The following FER variants were observed in gnomAD, a reference collection of about 807,000 sequenced individuals.
The protein encoded by FER is tyrosine-protein kinase Fer.
FER carries 63 observed loss-of-function variants against 111.0 expected under a neutral mutation model. The observed-to-expected ratio is 0.57, with a 90% CI of 0.46 to 0.70. FER has a LOEUF of 0.70. FER is among the 30% of genes least tolerant of loss of function. The probability of loss-of-function intolerance (pLI) is 0.00; values close to 1 mark genes in which losing one functional copy is unlikely to be tolerated. For synonymous variants in FER, 327 were observed against 313.9 expected, an observed-to-expected ratio of 1.04 and a Z score of -0.44; for missense variants, 914 against 954.0, an observed-to-expected ratio of 0.96 and a Z score of 0.55.
intron 3 of FER, among the ~76,000 whole-genome samples, chr5:108,802,294 A>G (rs1169907800): frequency 2.0e-5 from 3 of 152,164 alleles, no homozygotes; most frequent in East Asian, 1.9e-4. Context: ...GGGAAAATCT[A>G]TATCTTAACA....
chr5:108,980,225 G>T (rs189575203), intron 13 of FER, among the ~76,000 whole-genome samples: 84 of 152,138 alleles, frequency 5.5e-4, no homozygotes, highest in African/African-American at 1.9e-3. Flanking sequence ...ATCTTACTGT[G>T]AATGACATTC....
intron 8 of FER, among the ~76,000 whole-genome samples, chr5:108,875,288 C>A (rs1409851200): frequency 6.6e-6 from 1 of 152,104 alleles, no homozygotes; most frequent in African/African-American, 2.4e-5. Context: ...TCCCATCACA[C>A]ATGCATTTAT....
chr5:108,868,043 T>C, intron 6 of FER, 93 bp downstream of exon 6: 1 of 1,193,252 alleles, frequency 8.4e-7, no homozygotes, highest in South Asian at 1.5e-5. Context: ...ATAAGTTTTA[T>C]TATTAACCCA....
At chr5:108,934,148 A>T (rs1434921777) in intron 10 of FER, among the ~76,000 whole-genome samples, 1 of 152,104 alleles carries the variant, frequency 6.6e-6, no homozygotes, top group African/African-American at 2.4e-5. Flanking sequence ...TTGGTTTTGA[A>T]TGAATGACTG....
chr5:108,893,758 T>C (rs1748578720), intron 9 of FER, among the ~76,000 whole-genome samples: 2 of 152,014 alleles, frequency 1.3e-5, no homozygotes, highest in Non-Finnish European at 2.9e-5. Flanking sequence ...AAAAAAGGCC[T>C]TATGGTCATA....
At chr5:108,967,773 A>C (rs1194576831) in intron 13 of FER, among the ~76,000 whole-genome samples, 1 of 151,516 alleles carries the variant, frequency 6.6e-6, no homozygotes, top group Non-Finnish European at 1.5e-5. Flanking sequence ...AAAAAAAAAA[A>C]AAAAAAAAAA....
chr5:109,148,618 G>A (rs1452842459), intron 17 of FER, among the ~76,000 whole-genome samples: 1 of 152,172 alleles, frequency 6.6e-6, no homozygotes, highest in East Asian at 1.9e-4. Flanking sequence ...GTATAAGAAA[G>A]TATGTGCTAC....
At chr5:109,159,733 T>A (rs1755797543) in intron 17 of FER, among the ~76,000 whole-genome samples, 1 of 152,146 alleles carries the variant, frequency 6.6e-6, no homozygotes, top group Non-Finnish European at 1.5e-5. Context: ...GGAAAAATAC[T>A]TCAGGAACAT....
chr5:109,104,155 A>G (rs928315856), intron 17 of FER, among the ~76,000 whole-genome samples: 21 of 152,216 alleles, frequency 1.4e-4, no homozygotes, highest in African/African-American at 4.8e-4. Flanking sequence ...TTGCTCTAAC[A>G]CAGTGATTTT....
chr5:109,036,641 C>T (rs182127309), intron 13 of FER, among the ~76,000 whole-genome samples: 50 of 151,846 alleles, frequency 3.3e-4, no homozygotes, highest in African/African-American at 1.0e-3. Flanking sequence ...TTTTTTCTTC[C>T]CTTCCTCTCT....
chr5:109,031,216 T>C (rs2149861422), intron 13 of FER, among the ~76,000 whole-genome samples: 1 of 152,272 alleles, frequency 6.6e-6, no homozygotes, highest in East Asian at 1.9e-4. Context: ...CTGCCTTCTG[T>C]TGTGGCGGTA....
At chr5:109,042,169 A>T (rs1278161071) in intron 14 of FER, among the ~76,000 whole-genome samples, 1 of 152,270 alleles carries the variant, frequency 6.6e-6, no homozygotes, top group East Asian at 1.9e-4. Flanking sequence ...AGAAATGAAG[A>T]TTAACCGAGG....
At chr5:108,759,783 C>T (rs948463311) in intron 1 of FER, among the ~76,000 whole-genome samples, 6 of 152,184 alleles carry the variant, frequency 3.9e-5, no homozygotes, top group African/African-American at 1.2e-4. Context: ...AGGACTCCAC[C>T]ATCATGGTTT....
intron 10 of FER, among the ~76,000 whole-genome samples, chr5:108,929,389 C>A (rs1363783708): frequency 1.3e-5 from 2 of 152,124 alleles, no homozygotes; most frequent in Non-Finnish European, 2.9e-5. Context: ...GAAGCTACAT[C>A]TTGTAAGTCA....
chr5:108,967,769 A>AAATAC, intron 13 of FER, among the ~76,000 whole-genome samples: 1 of 150,924 alleles, frequency 6.6e-6, no homozygotes, highest in Non-Finnish European at 1.5e-5. Context: ...CAAAAAAAAA[A>AAATAC]AAAAAAAAAA....
At chr5:109,107,854 A>G (rs1749130182) in intron 17 of FER, among the ~76,000 whole-genome samples, 1 of 152,138 alleles carries the variant, frequency 6.6e-6, no homozygotes, top group Non-Finnish European at 1.5e-5. Context: ...CTCAAATGAC[A>G]TTTAGGCTAA....
In FER at chr5:109,186,238, A is replaced by ATCCT; in HGVS notation, c.2245_2248dup (p.Leu750ProfsTer52). 1 of 1,614,118 alleles carries ATCCT rather than the reference A, an allele frequency of 6.2e-7. No homozygotes were observed. The highest frequency in any genetic ancestry group is 8.5e-7 in the Non-Finnish European group (1 of 1,179,990). ...AGAGAGTGACGTGTGGAGCTTTGGC[A>ATCCT]TCCTTCTCTGGGAGACCTTCAGCTT... On this transcript the variant is annotated frameshift_variant, in exon 19 of 20. Transcript: ENST00000281092. LOFTEE classifies it high-confidence loss of function.
chr5:108,963,494 AG>A (rs528662716), intron 13 of FER, among the ~76,000 whole-genome samples: 14 of 152,144 alleles, frequency 9.2e-5, no homozygotes, highest in Non-Finnish European at 1.9e-4. Context: ...TCTGGGAGGC[AG>A]AGGTTGCAGT....
In FER at chr5:109,190,319, T is replaced by C. The variant is rs1759289445; in HGVS notation, c.*2744T>C. ...AAAATTTCTTCTGGTCCGGATGTAA[T>C]TAGTCCAGTCACAAATCTTTGTGTT... On this transcript the variant is annotated 3_prime_UTR_variant, in exon 20 of 20. Coordinates refer to ENST00000281092, the MANE Select transcript of FER (RefSeq NM_005246.4). The C allele has an allele frequency of 6.6e-6, 1 of 152,098 alleles. No individual in the cohort carries two copies. The highest frequency in any genetic ancestry group is 6.6e-5 in the Admixed American group (1 of 15,266). The allele number at this position is 152,098 out of a possible 1,614,324, so 9.4% of individuals were successfully genotyped here.
Sources: allele counts gnomAD v4.1 joint callset (sites outside exome capture counted in the v4.1 genomes callset), GRCh38; gene constraint gnomAD v4.1.1; transcripts MANE v1.5; gene names NCBI Gene and HGNC (gene_info 2026-07-23, HGNC 2026-07-21).